The following EML4 variants were observed in gnomAD, a reference collection of about 807,000 sequenced individuals.
The protein encoded by EML4 is EMAP like 4.
Under a neutral mutation model 129.0 loss-of-function variants are expected in EML4, and 72 were observed. The observed-to-expected ratio is 0.56, with a 90% CI of 0.46 to 0.68. The LOEUF (loss-of-function observed/expected upper bound fraction) is 0.68. Among genes scored for constraint, EML4 ranks in the 30% least tolerant of loss-of-function variants. The pLI is 0.00. For missense variants in EML4, 1,363 were observed against 1,190.6 expected, an observed-to-expected ratio of 1.14 and a Z score of -2.13; for synonymous variants, 532 against 405.0, an observed-to-expected ratio of 1.31 and a Z score of -3.77.
At chr2:42,193,622 T>C (rs1363575206) in intron 1 of EML4, among the ~76,000 whole-genome samples, 1 of 152,204 alleles carries the variant, frequency 6.6e-6, no homozygotes, top group Non-Finnish European at 1.5e-5. Flanking sequence ...ATTGTTGATA[T>C]ATTTTGCTTT....
intron 1 of EML4, among the ~76,000 whole-genome samples, chr2:42,176,668 T>G (rs1026436046): frequency 6.6e-6 from 1 of 152,252 alleles, no homozygotes; most frequent in African/African-American, 2.4e-5. Context: ...CGTGAACACT[T>G]GATAGGACCA....
intron 1 of EML4, among the ~76,000 whole-genome samples, chr2:42,234,570 C>T (rs1244017675): frequency 6.6e-6 from 1 of 152,110 alleles, no homozygotes. Context: ...CTCCATTAGC[C>T]CCCTTCTCCC....
chr2:42,238,378 A>G (rs1390069574), intron 1 of EML4, among the ~76,000 whole-genome samples: 1 of 152,212 alleles, frequency 6.6e-6, no homozygotes, highest in Admixed American at 6.5e-5. Flanking sequence ...GAAAGGGAGC[A>G]TTGCTATGGA....
intron 1 of EML4, among the ~76,000 whole-genome samples, chr2:42,190,891 A>AT (rs997237711): frequency 6.6e-6 from 1 of 152,026 alleles, no homozygotes; most frequent in Non-Finnish European, 1.5e-5. Context: ...TCTTTTACTC[A>AT]TTTTTTTCCC....
intron 1 of EML4, among the ~76,000 whole-genome samples, chr2:42,243,979 C>G (rs1025732401): frequency 1.3e-5 from 2 of 148,376 alleles, no homozygotes; most frequent in East Asian, 4.0e-4. Flanking sequence ...TAAAACTTGC[C>G]CTCAGTGTAA....
At chr2:42,179,398 A>G (rs927634268) in intron 1 of EML4, among the ~76,000 whole-genome samples, 1 of 152,174 alleles carries the variant, frequency 6.6e-6, no homozygotes, top group East Asian at 1.9e-4. Flanking sequence ...AAAATACAAT[A>G]AAGGATATTA....
intron 2 of EML4, among the ~76,000 whole-genome samples, chr2:42,251,046 G>T (rs116684257): frequency 0.012 from 1,839 of 152,230 alleles, 32 homozygotes; most frequent in African/African-American, 0.042. Flanking sequence ...CTGAGCTCAG[G>T]TGGTAATGCA....
intron 21 of EML4, among the ~76,000 whole-genome samples, chr2:42,326,740 G>A (rs1230848717): frequency 6.6e-6 from 1 of 152,066 alleles, no homozygotes; most frequent in Non-Finnish European, 1.5e-5. Flanking sequence ...AAATTAGCTG[G>A]GCGTGGTGAC....
intron 13 of EML4, among the ~76,000 whole-genome samples, chr2:42,300,167 G>T (rs950418091): frequency 6.6e-6 from 1 of 152,120 alleles, no homozygotes; most frequent in East Asian, 1.9e-4. Flanking sequence ...TTTTTCAAGA[G>T]GACTAAGGGC....
intron 1 of EML4, among the ~76,000 whole-genome samples, chr2:42,207,041 G>A (rs545696465): frequency 2.6e-5 from 4 of 152,272 alleles, no homozygotes; most frequent in African/African-American, 9.6e-5. Flanking sequence ...AGACAATGCA[G>A]CTGTCACTGA....
At chr2:42,237,975 AAAC>A (rs532310680) in intron 1 of EML4, among the ~76,000 whole-genome samples, 9 of 152,324 alleles carry the variant, frequency 5.9e-5, no homozygotes, top group Admixed American at 5.9e-4. Flanking sequence ...TTATGCCAAA[AAAC>A]AACCAGTTGT....
chr2:42,275,143 G>A (rs969807141), intron 6 of EML4, among the ~76,000 whole-genome samples: 2 of 152,112 alleles, frequency 1.3e-5, no homozygotes, highest in Non-Finnish European at 1.5e-5. Flanking sequence ...TTTTTAAAAA[G>A]TCACAAGTAA....
chr2:42,248,969 A>T (rs920277861), intron 2 of EML4, among the ~76,000 whole-genome samples: 8 of 152,196 alleles, frequency 5.3e-5, no homozygotes, highest in Admixed American at 1.3e-4. Flanking sequence ...ATACATATGT[A>T]AAGTTTCATA....
rs1410346617 is a variant in EML4 at position 42,307,291 on chromosome 2, G to A, written c.1967+2740G>A. ...AAATGGAAAGTCACTCAATTTTAGT[G>A]ACTTAAACTAAAGGTAAGCCAATTG... On this transcript the variant is annotated intron_variant, in intron 17 of 22. Transcript: ENST00000318522. 2.0e-5 allele frequency among the ~76,000 whole-genome samples: 3 copies of A among 152,208 alleles called. No individual in the cohort carries two copies. In the East Asian group the frequency reaches 5.8e-4, roughly 29 times the overall value.
chr2:42,183,967 CCTT>C (rs763685178), intron 1 of EML4, among the ~76,000 whole-genome samples: 3 of 152,100 alleles, frequency 2.0e-5, no homozygotes, highest in Non-Finnish European at 2.9e-5. Context: ...ACCTCTTTGA[CCTT>C]CTGGCCCTCT....
chr2:42,271,442 C>G (rs1666359645), intron 6 of EML4, among the ~76,000 whole-genome samples: 1 of 152,044 alleles, frequency 6.6e-6, no homozygotes, highest in Non-Finnish European at 1.5e-5. Context: ...AAGCAAAGAT[C>G]TGATTTCATA....
intron 20 of EML4, 144 bp from the exon 21 acceptor site, chr2:42,326,010 C>T (rs1415499435): frequency 1.7e-6 from 2 of 1,156,240 alleles, no homozygotes; most frequent in Non-Finnish European, 2.3e-6. Flanking sequence ...TGAACACTTT[C>T]TTTTCCTTTT....
chr2:42,316,070 C>G lies in EML4; in HGVS notation c.2056+20C>G. 1.9e-6 allele frequency: 3 copies of G among 1,563,534 alleles called. No homozygotes were observed. Among genetic ancestry groups the G allele is most frequent in the Middle Eastern group, 3.4e-4 (2 of 5,950 alleles). ...CAATAGGTAGGCAAATTTACTCCCACCTCCCAAGCATGGCATTCACAGCAC... is the reference window on the plus strand; with the variant it reads ...CAATAGGTAGGCAAATTTACTCCCAGCTCCCAAGCATGGCATTCACAGCAC... On this transcript the variant is annotated intron_variant, in intron 18 of 22. Transcript: ENST00000318522.
intron 1 of EML4, among the ~76,000 whole-genome samples, chr2:42,228,216 G>T (rs1049817039): frequency 1.7e-5 from 2 of 114,374 alleles, no homozygotes; most frequent in Non-Finnish European, 3.9e-5. Context: ...GAGAGACTCT[G>T]TCTCAAAAAA....
Sources: gnomAD v4.1 joint callset for allele counts (sites outside exome capture counted in the v4.1 genomes callset) on GRCh38, gnomAD v4.1.1 for gene constraint, MANE v1.5 for transcripts, NCBI Gene and HGNC (gene_info 2026-07-23, HGNC 2026-07-21) for gene names.